LTBP3: variants seen among roughly 807,000 people sequenced by gnomAD.
The protein encoded by LTBP3 is latent-transforming growth factor beta-binding protein 3.
Under a neutral mutation model 159.7 loss-of-function variants are expected in LTBP3, and 97 were observed. The observed-to-expected ratio is 0.61, with a 90% confidence interval of 0.52 to 0.72. The LOEUF is 0.72. LTBP3 is among the 30% of genes least tolerant of loss of function. The pLI, the probability that LTBP3 is intolerant of heterozygous loss-of-function variation, is 0.00. For missense variants in LTBP3, 1,584 were observed against 1,864.3 expected (o/e 0.85, Z 2.77); for synonymous variants, 824 against 777.1 (o/e 1.06, Z -1.00).
In LTBP3 at chr11:65,554,192, G is replaced by C; in HGVS notation, c.520C>G (p.Pro174Ala). The change falls in exon 2 of 28, where the codon CCG becomes GCG. Residue 174 changes from proline (P) to alanine (A), a missense_variant. By Grantham distance (27) the Pro-to-Ala change is conservative (BLOSUM62 -1). Around this residue, in one of 6 missense-constraint regions of LTBP3, gnomAD observed 194 missense variants for 198.7 expected, o/e 0.98. Coordinates refer to ENST00000301873, the MANE Select transcript of LTBP3 (RefSeq NM_001130144.3). This position sits in a 1 kb window ranked among gnomAD's most constrained non-coding sequence, Gnocchi z 5.3. ...TTGCTGGCCACAGAGTCGCCCTCCGGAGCCAGGGGCGGCAGCGCCCCTGTG... is the reference window on the plus strand; with the variant it reads ...TTGCTGGCCACAGAGTCGCCCTCCGCAGCCAGGGGCGGCAGCGCCCCTGTG... ...LSTGALPPLAPEGDSVASKHA... is the reference protein window; with the variant it reads ...LSTGALPPLAAEGDSVASKHA... 3.7e-6 allele frequency: 6 copies of C among 1,611,548 alleles called. No homozygotes were observed. The highest frequency in any genetic ancestry group is 5.1e-6 in the Non-Finnish European group (6 of 1,179,542).
Position 65,546,311 on chromosome 11 carries a change from A to AATGAGTGAGCAGAGTCACCTGGGG in LTBP3, c.2353+107_2353+130dup, listed in dbSNP as rs1164718822. On this transcript the variant is annotated intron_variant, in intron 16 of 27. Coordinates refer to ENST00000301873, the MANE Select transcript of LTBP3 (RefSeq NM_001130144.3). The surrounding 1 kb of genome is among the most constrained non-coding windows in gnomAD (Gnocchi z 4.0). ...CTTCCTTGGCAAAGTTCGTTGAGAA[A>AATGAGTGAGCAGAGTCACCTGGGG]ATGAGTGAGCAGAGTCACCTGGGGA... 1 of 1,199,874 alleles carries AATGAGTGAGCAGAGTCACCTGGGG rather than the reference A, an allele frequency of 8.3e-7. No homozygotes were observed. The highest frequency in any genetic ancestry group is 2.8e-5 in the East Asian group (1 of 35,150). 74.3% of individuals were successfully genotyped at this position (1,199,874 alleles called of 1,614,324 possible).
At chr11:65,557,396 A>G (rs1348842134) in intron 1 of LTBP3, among the ~76,000 whole-genome samples, 2 of 151,692 alleles carry the variant, frequency 1.3e-5, no homozygotes, top group East Asian at 3.9e-4. Flanking sequence ...CCCACCCCTT[A>G]GGCCCCAACC....
rs1856860614 is a variant in LTBP3 at position 65,557,804 on chromosome 11, G to A, written c.156C>T (p.Gly52=). Reference sequence around the variant, plus strand: ...GCTCGCGGGCCAGCGCCCCGCCCCCGCCTGCGCCCCGCTCGCCGGCCGGCC... The same window carrying A: ...GCTCGCGGGCCAGCGCCCCGCCCCCACCTGCGCCCCGCTCGCCGGCCGGCC... ...EGGPAGERGA[G]GGGALARERF... is the part of the protein sequence containing the mutation. The change falls in exon 1 of 28, where the codon GGC becomes GGT. Residue 52 remains glycine, a synonymous_variant. Coordinates refer to ENST00000301873, the MANE Select transcript of LTBP3 (RefSeq NM_001130144.3). 2 of 1,535,946 alleles carry A rather than the reference G, an allele frequency of 1.3e-6. No individual in the cohort carries two copies. The highest frequency in any genetic ancestry group is 1.9e-5 in the Admixed American group (1 of 51,874).
intron 19 of LTBP3, 26 bp from the exon 20 acceptor site, chr11:65,541,319 T>TTG (rs1286072144): frequency 1.2e-6 from 2 of 1,605,280 alleles, no homozygotes; most frequent in Non-Finnish European, 1.7e-6. Flanking sequence ...CAGCTCAGGG[T>TTG]TGTGCACAGA....
chr11:65,542,979 T>C (rs1856216200), intron 18 of LTBP3, 126 bp downstream of exon 18: 3 of 1,173,124 alleles, frequency 2.6e-6, no homozygotes, highest in Non-Finnish European at 1.2e-6. Flanking sequence ...GATGGATAGA[T>C]GGATGGATGG....
chr11:65,553,572 C>G lies in LTBP3; in HGVS notation c.865-42G>C, dbSNP rs765125640. On this transcript the variant is annotated intron_variant, in intron 3 of 27. Coordinates refer to ENST00000301873, the MANE Select transcript of LTBP3 (RefSeq NM_001130144.3). This position sits in a 1 kb window ranked among gnomAD's most constrained non-coding sequence, Gnocchi z 6.5. ...GAGGTGGGGTCACAGAGCACCCCGC[C>G]CCGGTGCCGCCTGTTAGGGTTGGGC... 1 of 1,502,230 alleles carries G rather than the reference C, an allele frequency of 6.7e-7. No individual in the cohort carries two copies. The highest frequency in any genetic ancestry group is 1.7e-5 in the Admixed American group (1 of 57,402). 93.1% of individuals were successfully genotyped at this position (1,502,230 alleles called of 1,614,324 possible).
At chr11:65,540,775 GGC>G in intron 21 of LTBP3, 94 bp downstream of exon 21, 1 of 1,481,214 alleles carries the variant, frequency 6.8e-7, no homozygotes, top group Non-Finnish European at 9.2e-7. Context: ...GGGCTTACCC[GGC>G]GCGGGCAGCT....
intron 1 of LTBP3, among the ~76,000 whole-genome samples, chr11:65,557,202 CCT>C (rs1856841919): frequency 6.6e-6 from 1 of 152,088 alleles, no homozygotes; most frequent in Non-Finnish European, 1.5e-5. Context: ...TCTGGCAGGC[CCT>C]ACTTTAGACA....
Position 65,547,410 on chromosome 11 carries a change from C to T in LTBP3, c.2107+29G>A. ...AGGTGGAGAGACAGCTAAGGAGCTCCTTCTTTGGTCTGAATGGGGTCCCCT... is the reference window on the plus strand; with the variant it reads ...AGGTGGAGAGACAGCTAAGGAGCTCTTTCTTTGGTCTGAATGGGGTCCCCT... On this transcript the variant is annotated intron_variant, in intron 14 of 27. Coordinates refer to ENST00000301873, the MANE Select transcript of LTBP3 (RefSeq NM_001130144.3). The surrounding 1 kb of genome is among the most constrained non-coding windows in gnomAD (Gnocchi z 4.6). 1 of 1,610,728 alleles carries T rather than the reference C, an allele frequency of 6.2e-7. No individual in the cohort carries two copies. Among genetic ancestry groups the T allele is most frequent in the South Asian group, 1.1e-5 (1 of 91,064 alleles).
chr11:65,549,567 C>CTTTTTTTTTTTT lies in LTBP3; in HGVS notation c.1721-1534_1721-1523dup, dbSNP rs748132211. Among the ~76,000 whole-genome samples the CTTTTTTTTTTTT allele has an allele frequency of 4.3e-3, 278 of 64,754 alleles. 2 individuals carry two copies. Among genetic ancestry groups the CTTTTTTTTTTTT allele is most frequent in the African/African-American group, 4.3e-3 (63 of 14,516 alleles). The allele number at this position is 64,754 out of a possible 152,430, so 42.5% of individuals were successfully genotyped here. A position where few individuals can be genotyped will look rare whatever the true frequency, so the allele number is the denominator to read the frequency against. ...GCATGCACCACCACGCCCAGCTAAT[C>CTTTTTTTTTTTT]TTTTTTTTTTTTTTTTTTTTTTTTG... On this transcript the variant is annotated intron_variant, in intron 11 of 27. Coordinates refer to ENST00000301873, the MANE Select transcript of LTBP3 (RefSeq NM_001130144.3).
At position 65,539,085 on chromosome 11, in the gene LTBP3, G is replaced by T. The variant is rs1186461257; in HGVS notation, c.3907C>A (p.Arg1303Ser). 7.1e-7 allele frequency: 1 copy of T among 1,405,050 alleles called. No individual in the cohort carries two copies. 87.0% of individuals were successfully genotyped at this position (1,405,050 alleles called of 1,614,324 possible). The part of the protein sequence containing the change: ...PHGACVPQRR[R>S] ...CGAGGGCGGCGTCGGCGGCGTCAGC[G>T]GCGGCGCTGGGGAACGCAGGCCCCG... Residue 1303 changes from arginine to serine, a missense_variant, in exon 28 of 28, where the codon CGC (arginine) becomes AGC (serine). This residue lies in a region of LTBP3 where 514 missense variants were observed against 530.3 expected (regional missense o/e 0.97). Transcript: ENST00000301873.
In LTBP3 at chr11:65,541,151, GA is replaced by G; in HGVS notation, c.2867del (p.Ile956ThrfsTer56). The G allele has an allele frequency of 6.2e-7, 1 of 1,613,198 alleles. No individual in the cohort carries two copies. Among genetic ancestry groups the G allele is most frequent in the Non-Finnish European group, 8.5e-7 (1 of 1,179,960 alleles). On this transcript the variant is annotated frameshift_variant, in exon 20 of 28. Coordinates refer to ENST00000301873, the MANE Select transcript of LTBP3 (RefSeq NM_001130144.3). LOFTEE classifies it high-confidence loss of function. Reference sequence around the variant, plus strand: ...CTGAGCTGTAGACTGGGCAGGGGTAGATTTCGCAGTGGTCGCCCCAGCCGGC... The same window carrying G: ...CTGAGCTGTAGACTGGGCAGGGGTAGTTTCGCAGTGGTCGCCCCAGCCGGC... ...LGAGWGDHCE[I>X]YPCPVYSSAE...
intron 8 of LTBP3, 133 bp downstream of exon 8, chr11:65,551,839 T>G: frequency 9.0e-7 from 1 of 1,105,202 alleles, no homozygotes; most frequent in Non-Finnish European, 1.4e-6. Flanking sequence ...GAGGGTCAGG[T>G]GGGAGGTCAG....
chr11:65,552,542 C>T lies in LTBP3; in HGVS notation c.1187-136G>A. 2 of 1,122,198 alleles carry T rather than the reference C, an allele frequency of 1.8e-6. No homozygotes were observed. Among genetic ancestry groups the T allele is most frequent in the Non-Finnish European group, 1.3e-6 (1 of 781,820 alleles). The allele number at this position is 1,122,198 out of a possible 1,614,324, so 69.5% of individuals were successfully genotyped here. A position where few individuals can be genotyped will look rare whatever the true frequency, so the allele number is the denominator to read the frequency against. On this transcript the variant is annotated intron_variant, in intron 6 of 27. Coordinates refer to ENST00000301873, the MANE Select transcript of LTBP3 (RefSeq NM_001130144.3). The surrounding 1 kb of genome is among the most constrained non-coding windows in gnomAD (Gnocchi z 6.0). Reference sequence around the variant, plus strand: ...ATGTGGTCTCTGACCCCATATGACCCTGAACTCATGTGACCCCTGAAACTT... The same window carrying T: ...ATGTGGTCTCTGACCCCATATGACCTTGAACTCATGTGACCCCTGAAACTT...
chr11:65,556,220 G>A (rs1327550205), intron 1 of LTBP3, among the ~76,000 whole-genome samples: 1 of 152,096 alleles, frequency 6.6e-6, no homozygotes, highest in African/African-American at 2.4e-5. Context: ...ACCAACACAG[G>A]TTCACATAAA....
At chr11:65,550,822 C>CA (rs1334531874) in intron 11 of LTBP3, among the ~76,000 whole-genome samples, 52 of 150,702 alleles carry the variant, frequency 3.5e-4, no homozygotes, top group Middle Eastern at 3.4e-3. Context: ...GACTCCGTCT[C>CA]AAAAAAAACA....
At chr11:65,542,362 ATAG>A (rs911393269) in intron 18 of LTBP3, 1 of 153,238 alleles carries the variant, frequency 6.5e-6, no homozygotes, top group Non-Finnish European at 1.4e-5. Context: ...AACCTGGAAA[ATAG>A]TAGGTGCTCA....
At position 65,543,424 on chromosome 11, in the gene LTBP3, C is replaced by T. The variant is rs1334199898; in HGVS notation, c.2476+3G>A. The T allele has an allele frequency of 5.0e-6, 8 of 1,613,940 alleles. No individual in the cohort carries two copies. Among genetic ancestry groups the T allele is most frequent in the African/African-American group, 1.3e-5 (1 of 74,890 alleles). ...TCAGCACCCCAGCTCTAAGATCCCT[C>T]ACCCTCGCAGTGGCTCCGGTCCCTG... On this transcript the variant is annotated splice_donor_region_variant and intron_variant, in intron 17 of 27. Coordinates refer to ENST00000301873, the MANE Select transcript of LTBP3 (RefSeq NM_001130144.3).
rs750988098 is a variant in LTBP3, at chr11:65,547,413, CTTTG to C, written c.2107+22_2107+25del. ...TGGAGAGACAGCTAAGGAGCTCCTT[CTTTG>C]GTCTGAATGGGGTCCCCTCACCTTC... On this transcript the variant is annotated intron_variant, in intron 14 of 27. Coordinates refer to ENST00000301873, the MANE Select transcript of LTBP3 (RefSeq NM_001130144.3). This position sits in a 1 kb window ranked among gnomAD's most constrained non-coding sequence, Gnocchi z 4.6. 59 of 1,611,076 alleles carry C rather than the reference CTTTG, an allele frequency of 3.7e-5. No homozygotes were observed. The Middle Eastern group carries it at 6.6e-4, about 18-fold the overall frequency.
Sources: allele counts gnomAD v4.1 joint callset (sites outside exome capture counted in the v4.1 genomes callset), GRCh38; gene constraint gnomAD v4.1.1; regional missense constraint gnomAD v4.1.1; non-coding constraint Gnocchi (gnomAD v3.1); transcripts MANE v1.5; gene names NCBI Gene and HGNC (gene_info 2026-07-23, HGNC 2026-07-21).